Variants in ECI1 observed in about 807,000 individuals in gnomAD.
ECI1 encodes enoyl-CoA delta isomerase 1, mitochondrial.
In ECI1, 34 loss-of-function variants were observed where a neutral mutation model predicts 34.2. That is an observed-to-expected ratio of 1.00 (90% confidence interval 0.76 to 1.33). The LOEUF (loss-of-function observed/expected upper bound fraction) is 1.33. Among genes scored for constraint, ECI1 ranks in the 40% most tolerant of loss-of-function variants. The pLI is 0.00. For missense variants in ECI1, 456 were observed against 422.2 expected (o/e 1.08, Z -0.70); for synonymous variants, 211 against 193.0 (o/e 1.09, Z -0.77).
chr16:2,246,711 G>A (rs984414564), intron 3 of ECI1, 148 bp downstream of exon 3: 29 of 1,236,540 alleles, frequency 2.3e-5, no homozygotes, highest in African/African-American at 8.9e-5. Context: ...CCGTGAAGGC[G>A]CCTGGAGTCC....
At chr16:2,245,140 G>A (rs565158811) in intron 3 of ECI1, among the ~76,000 whole-genome samples, 54 of 152,336 alleles carry the variant, frequency 3.5e-4, no homozygotes, top group African/African-American at 1.3e-3. Context: ...CGGCCAGGGA[G>A]GCGGGCTCGG....
At chr16:2,242,373 T>A (rs558441046) in intron 6 of ECI1, 1 of 153,180 alleles carries the variant, frequency 6.5e-6, no homozygotes, top group East Asian at 1.9e-4. Flanking sequence ...GCTACAAAGG[T>A]CTTACCTACA....
chr16:2,251,384 G>GCCGC lies in ECI1; in HGVS notation c.94_97dup (p.Ala33GlyfsTer57). The GCCGC allele has an allele frequency of 4.8e-6, 6 of 1,254,970 alleles. No homozygotes were observed. The highest frequency in any genetic ancestry group is 2.0e-6 in the Non-Finnish European group (2 of 1,002,806). 77.7% of individuals were successfully genotyped at this position (1,254,970 alleles called of 1,614,324 possible). ...GCGCCGCGCGCCGTCTCCGCCGCCG[G>GCCGC]CCGCCCGCTCCGTCCGCCCGAGGGC... is the stretch of plus-strand genomic sequence containing the variant. On this transcript the variant is annotated frameshift_variant, in exon 2 of 7. Transcript: ENST00000301729. LOFTEE classifies it high-confidence loss of function.
intron 2 of ECI1, among the ~76,000 whole-genome samples, chr16:2,247,729 G>C (rs2093543607): frequency 6.6e-6 from 1 of 151,956 alleles, no homozygotes; most frequent in Non-Finnish European, 1.5e-5. Flanking sequence ...TATTATTTTT[G>C]AGACAGGGTC....
At chr16:2,247,072 A>G in intron 2 of ECI1, 86 bp from the exon 3 acceptor site, 1 of 1,486,054 alleles carries the variant, frequency 6.7e-7, no homozygotes, top group Non-Finnish European at 9.2e-7. Flanking sequence ...AAGCCATGAT[A>G]GCTGTGCATT....
intron 6 of ECI1, chr16:2,240,514 A>T: frequency 3.8e-6 from 1 of 261,412 alleles, no homozygotes; most frequent in East Asian, 1.0e-4. Context: ...CCCGGCCCTA[A>T]TTTTTTTTTG....
chr16:2,239,647 A>G lies in ECI1; in HGVS notation c.*332T>C, dbSNP rs1429286707. 1 of 387,610 alleles carries G rather than the reference A, an allele frequency of 2.6e-6. No individual in the cohort carries two copies. The highest frequency in any genetic ancestry group is 4.9e-6 in the Non-Finnish European group (1 of 202,160). The allele number at this position is 387,610 out of a possible 1,614,324, so 24.0% of individuals were successfully genotyped here. A position where few individuals can be genotyped will look rare whatever the true frequency, so the allele number is the denominator to read the frequency against. ...TAAGAGCAGGCAGTCCAAAGGCCAG[A>G]ATGGATGACCAGGGACTTGACTTAC... On this transcript the variant is annotated 3_prime_UTR_variant, in exon 7 of 7. Transcript: ENST00000301729.
At chr16:2,249,051 T>C (rs1175330447) in intron 2 of ECI1, among the ~76,000 whole-genome samples, 1 of 152,016 alleles carries the variant, frequency 6.6e-6, no homozygotes, top group Non-Finnish European at 1.5e-5. Flanking sequence ...ATTTAATTAA[T>C]TAATTTATTT....
At chr16:2,244,304 C>A (rs946539530) in intron 4 of ECI1, 102 bp downstream of exon 4, 4 of 1,386,576 alleles carry the variant, frequency 2.9e-6, no homozygotes, top group Admixed American at 2.0e-5. Flanking sequence ...CCAACCGTCC[C>A]CTTCCCCTGT....
intron 2 of ECI1, among the ~76,000 whole-genome samples, chr16:2,247,552 T>C (rs1040946567): frequency 1.3e-5 from 2 of 152,048 alleles, no homozygotes; most frequent in African/African-American, 4.8e-5. Context: ...TGCGTGCCGC[T>C]ACATCCAGCT....
chr16:2,239,895 T>A lies in ECI1; in HGVS notation c.*84A>T. ...CAGCAAAATGAAACGCTGGCAGTAC[T>A]TTTAAGTTGAAAAATACCTTGTTTA... On this transcript the variant is annotated 3_prime_UTR_variant, in exon 7 of 7. Transcript: ENST00000301729. 3 of 1,452,882 alleles carry A rather than the reference T, an allele frequency of 2.1e-6. No homozygotes were observed. In the South Asian group the frequency reaches 3.4e-5, roughly 17 times the overall value. 90.0% of individuals were successfully genotyped at this position (1,452,882 alleles called of 1,614,324 possible). A position where few individuals can be genotyped will look rare whatever the true frequency, so the allele number is the denominator to read the frequency against.
At chr16:2,250,030 A>T (rs1490168303) in intron 2 of ECI1, among the ~76,000 whole-genome samples, 3 of 143,030 alleles carry the variant, frequency 2.1e-5, no homozygotes, top group Non-Finnish European at 3.1e-5. Flanking sequence ...AAAAATAATA[A>T]TTTTTTTTTT....
Position 2,251,506 on chromosome 16 carries a change from G to C in ECI1, c.52+9C>G. 1.3e-6 allele frequency: 2 copies of C among 1,559,344 alleles called. No individual in the cohort carries two copies. The highest frequency in any genetic ancestry group is 1.7e-6 in the Non-Finnish European group (2 of 1,153,838). The stretch of plus-strand genomic sequence containing the variant: ...CCGGCCCGATCCCTGCCCACCCCGG[G>C]TTTCGCACCCGCGCGGAGCAGAACG... On this transcript the variant is annotated intron_variant, in intron 1 of 6. Coordinates refer to ENST00000301729, the MANE Select transcript of ECI1 (RefSeq NM_001919.4).
At chr16:2,242,965 G>A (rs1243968136) in intron 6 of ECI1, 81 bp downstream of exon 6, 6 of 1,108,746 alleles carry the variant, frequency 5.4e-6, no homozygotes, top group Non-Finnish European at 6.8e-6. Flanking sequence ...CCGAAGTCAC[G>A]ATGTCCACAG....
In ECI1 at chr16:2,240,024, C is replaced by T. The variant is rs1248878164; in HGVS notation, c.864G>A (p.Lys288=). Residue 288 remains lysine (K), a synonymous_variant, in exon 7 of 7, where the codon AAG becomes AAA. Coordinates refer to ENST00000301729, the MANE Select transcript of ECI1 (RefSeq NM_001919.4). The part of the protein sequence containing the change: ...VSFISKDSIQ[K]SLQMYLERLK... The stretch of plus-strand genomic sequence containing the variant: ...GCCTCTCTAAGTACATCTGCAGGGA[C>T]TTCTGGATGGAGTCTTTGGAGATGA... 1 of 1,613,862 alleles carries T rather than the reference C, an allele frequency of 6.2e-7. No homozygotes were observed. The highest frequency in any genetic ancestry group is 8.5e-7 in the Non-Finnish European group (1 of 1,180,044).
At chr16:2,248,156 G>A (rs1050559481) in intron 2 of ECI1, among the ~76,000 whole-genome samples, 2 of 152,042 alleles carry the variant, frequency 1.3e-5, no homozygotes, top group Non-Finnish European at 2.9e-5. Context: ...GAGTGCAGTG[G>A]CGCGATCTCA....
intron 2 of ECI1, among the ~76,000 whole-genome samples, chr16:2,248,465 A>C (rs1228277841): frequency 6.6e-6 from 1 of 151,400 alleles, no homozygotes; most frequent in East Asian, 1.9e-4. Flanking sequence ...CCCAGGCTGG[A>C]GTGCAGCAGC....
At chr16:2,244,250 CGTG>C in intron 4 of ECI1, 153 bp downstream of exon 4, 2 of 890,136 alleles carry the variant, frequency 2.2e-6, no homozygotes, top group Non-Finnish European at 3.5e-6. Flanking sequence ...CAACACGCCC[CGTG>C]GTCTGCGATG....
intron 6 of ECI1, chr16:2,241,488 G>T (rs1426320240): frequency 6.6e-6 from 1 of 151,990 alleles, no homozygotes; most frequent in Non-Finnish European, 1.5e-5. Flanking sequence ...GTAGAGACGG[G>T]GTTTTGCCAT....
Sources: gnomAD v4.1 joint callset for allele counts (sites outside exome capture counted in the v4.1 genomes callset) on GRCh38, gnomAD v4.1.1 for gene constraint, MANE v1.5 for transcripts, NCBI Gene and HGNC (gene_info 2026-07-23, HGNC 2026-07-21) for gene names.